UST: variants seen among roughly 807,000 people sequenced by gnomAD.
The protein encoded by UST is chondroitin sulfate 2-O-sulfotransferase.
Under a neutral mutation model 45.6 loss-of-function variants are expected in UST, and 21 were observed. That is an observed-to-expected ratio of 0.46 (90% CI 0.33 to 0.66). The LOEUF (loss-of-function observed/expected upper bound fraction) is 0.66, where lower values mean the gene tolerates loss of function less well. Among genes scored for constraint, UST ranks in the 30% least tolerant of loss-of-function variants. UST has a pLI of 0.02. For synonymous variants in UST, 215 were observed against 200.6 expected (o/e 1.07, Z -0.61); for missense variants, 463 against 512.4 (o/e 0.90, Z 0.93).
chr6:148,748,014 G>A lies in UST; in HGVS notation c.247+337G>A, dbSNP rs530846001. 4.6e-5 allele frequency among the ~76,000 whole-genome samples: 7 copies of A among 152,282 alleles called. No homozygotes were observed. Among genetic ancestry groups the A allele is most frequent in the African/African-American group, 1.7e-4 (7 of 41,582 alleles). Reference sequence around the variant, plus strand: ...GTGTGTGGGGTGTGCCGGAGTGTGTGTATCTTCAGGCCTGGCGGCGCGGGG... The same window carrying A: ...GTGTGTGGGGTGTGCCGGAGTGTGTATATCTTCAGGCCTGGCGGCGCGGGG... On this transcript the variant is annotated intron_variant, in intron 1 of 7. Coordinates refer to ENST00000367463, the MANE Select transcript of UST (RefSeq NM_005715.3). The surrounding 1 kb of genome is among the most constrained non-coding windows in gnomAD (Gnocchi z 5.3).
chr6:148,899,819 C>A (rs1779212831), intron 2 of UST, among the ~76,000 whole-genome samples: 1 of 152,158 alleles, frequency 6.6e-6, no homozygotes, highest in African/African-American at 2.4e-5. Flanking sequence ...GTTGCTGCTT[C>A]CGGATTTCAC....
chr6:148,758,979 G>T (rs1776149902), intron 1 of UST, among the ~76,000 whole-genome samples: 1 of 152,340 alleles, frequency 6.6e-6, no homozygotes, highest in South Asian at 2.1e-4. Context: ...GAGCCATGCG[G>T]CTGGATGGAG....
chr6:149,004,561 A>G (rs1451211921), intron 5 of UST, among the ~76,000 whole-genome samples: 2 of 152,128 alleles, frequency 1.3e-5, no homozygotes, highest in Non-Finnish European at 2.9e-5. Flanking sequence ...CACGCTAATA[A>G]CCGGACCTGG....
intron 1 of UST, among the ~76,000 whole-genome samples, chr6:148,809,480 T>C (rs749424360): frequency 6.6e-6 from 1 of 152,196 alleles, no homozygotes; most frequent in Non-Finnish European, 1.5e-5. Context: ...CACTCTAACG[T>C]GCTCAAAAAA....
chr6:148,831,724 G>A (rs987824723), intron 1 of UST, among the ~76,000 whole-genome samples: 4 of 152,154 alleles, frequency 2.6e-5, no homozygotes, highest in African/African-American at 9.7e-5. Flanking sequence ...GAGCCAAGGA[G>A]TTTAAGGCTG....
chr6:148,809,325 T>G (rs978445481), intron 1 of UST, among the ~76,000 whole-genome samples: 14 of 152,066 alleles, frequency 9.2e-5, no homozygotes, highest in Admixed American at 3.3e-4. Context: ...TTTTTTGTTT[T>G]TTTTTTTTTT....
At chr6:148,811,652 A>G (rs1478029807) in intron 1 of UST, among the ~76,000 whole-genome samples, 2 of 152,146 alleles carry the variant, frequency 1.3e-5, no homozygotes, top group Non-Finnish European at 2.9e-5. Context: ...ACCCACATGG[A>G]TAGCAGTTGG....
chr6:148,989,558 T>C (rs1258895783), intron 5 of UST, among the ~76,000 whole-genome samples: 2 of 152,230 alleles, frequency 1.3e-5, no homozygotes, highest in African/African-American at 2.4e-5. Flanking sequence ...TGGATTGCAT[T>C]AACAGAAGTA....
intron 2 of UST, among the ~76,000 whole-genome samples, chr6:148,918,358 G>A (rs1582897505): frequency 6.6e-6 from 1 of 152,110 alleles, no homozygotes; most frequent in Non-Finnish European, 1.5e-5. Flanking sequence ...AAAATTAATC[G>A]CTTTTCCCCC....
At chr6:149,023,389 A>G (rs1776008352) in intron 7 of UST, among the ~76,000 whole-genome samples, 1 of 152,090 alleles carries the variant, frequency 6.6e-6, no homozygotes, top group Non-Finnish European at 1.5e-5. Context: ...CCATCTTGGG[A>G]GCAGCTACTA....
chr6:149,068,959 C>A (rs1776781391), intron 7 of UST, among the ~76,000 whole-genome samples: 1 of 152,180 alleles, frequency 6.6e-6, no homozygotes, highest in Non-Finnish European at 1.5e-5. Flanking sequence ...TGGTCAACTT[C>A]TTTAGCTCCC....
At chr6:148,989,171 G>A (rs1781298377) in intron 5 of UST, among the ~76,000 whole-genome samples, 1 of 150,048 alleles carries the variant, frequency 6.7e-6, no homozygotes, top group Non-Finnish European at 1.5e-5. Context: ...TGGTCTGTGA[G>A]AACTTCATGA....
chr6:148,994,640 T>G (rs1339994821), intron 5 of UST, among the ~76,000 whole-genome samples: 1 of 152,198 alleles, frequency 6.6e-6, no homozygotes, highest in Non-Finnish European at 1.5e-5. Context: ...AGGCGGATAT[T>G]CACCTCTTCG....
At chr6:149,061,230 G>A (rs1489269452) in intron 7 of UST, among the ~76,000 whole-genome samples, 6 of 152,142 alleles carry the variant, frequency 3.9e-5, no homozygotes, top group African/African-American at 9.7e-5. Flanking sequence ...GGGCTACATC[G>A]TTTTTCCATT....
chr6:148,860,826 T>G (rs1475936352), intron 1 of UST, among the ~76,000 whole-genome samples: 1 of 152,222 alleles, frequency 6.6e-6, no homozygotes, highest in African/African-American at 2.4e-5. Flanking sequence ...TGAACCAGCC[T>G]TGCATCCCAG....
rs547200752 is a variant in UST, at chr6:148,857,826, C to T, written c.248-29160C>T. Among the ~76,000 whole-genome samples, 189 of 151,620 alleles carry T rather than the reference C, an allele frequency of 1.2e-3. 1 individual carries two copies. Among genetic ancestry groups the T allele is most frequent in the African/African-American group, 3.9e-3 (160 of 41,300 alleles). Reference sequence around the variant, plus strand: ...AAGAAGCATAGCAAGTGCTTCTCCACCTCTGTTTATTTTTTCTGTCTGATC... The same window carrying T: ...AAGAAGCATAGCAAGTGCTTCTCCATCTCTGTTTATTTTTTCTGTCTGATC... On this transcript the variant is annotated intron_variant, in intron 1 of 7. Transcript: ENST00000367463.
chr6:148,759,273 C>G (rs896866312), intron 1 of UST, among the ~76,000 whole-genome samples: 2 of 152,274 alleles, frequency 1.3e-5, no homozygotes, highest in African/African-American at 4.8e-5. Context: ...CGCCTGTAAT[C>G]CCAGCACTTT....
intron 2 of UST, among the ~76,000 whole-genome samples, chr6:148,917,348 A>T (rs1037534548): frequency 6.6e-6 from 1 of 152,232 alleles, no homozygotes; most frequent in Non-Finnish European, 1.5e-5. Context: ...GACCTCAATA[A>T]ACATTTAATG....
At position 148,791,196 on chromosome 6, in the gene UST, G is replaced by C. The variant is rs147916583; in HGVS notation, c.247+43519G>C. On this transcript the variant is annotated intron_variant, in intron 1 of 7. Transcript: ENST00000367463. The stretch of plus-strand genomic sequence containing the variant: ...CATCTAGTGGGTAGAGGCCAGCGTT[G>C]TTGCTAAATGTCCTGCAATGCACAG... Among the ~76,000 whole-genome samples, 26 of 152,310 alleles carry C rather than the reference G, an allele frequency of 1.7e-4. No homozygotes were observed. The East Asian group carries it at 4.8e-3, about 28-fold the overall frequency.
Sources: allele counts gnomAD v4.1 joint callset (sites outside exome capture counted in the v4.1 genomes callset), GRCh38; gene constraint gnomAD v4.1.1; non-coding constraint Gnocchi (gnomAD v3.1); transcripts MANE v1.5; gene names NCBI Gene and HGNC (gene_info 2026-07-23, HGNC 2026-07-21).